Variants in OTOGL observed in about 807,000 individuals in gnomAD.
OTOGL encodes otogelin-like protein.
A neutral mutation model predicts 318.5 loss-of-function variants in OTOGL; 285 were observed. The observed-to-expected ratio is 0.89, with a 90% CI of 0.81 to 0.99. The LOEUF (loss-of-function observed/expected upper bound fraction) is 0.99, where lower values mean the gene tolerates loss of function less well. OTOGL is among the 50% of genes least tolerant of loss of function. OTOGL has a pLI of 0.00. For synonymous variants in OTOGL, 987 were observed against 936.5 expected, an observed-to-expected ratio of 1.05 and a Z score of -0.99; for missense variants, 2,899 against 2,845.6, an observed-to-expected ratio of 1.02 and a Z score of -0.43.
intron 38 of OTOGL, among the ~76,000 whole-genome samples, chr12:80,334,839 G>C (rs958494871): frequency 2.0e-5 from 3 of 152,066 alleles, no homozygotes; most frequent in African/African-American, 7.2e-5. Context: ...TCAGATGTCT[G>C]TGAGGTCTAT....
chr12:80,289,248 G>A (rs764011968), intron 26 of OTOGL, among the ~76,000 whole-genome samples: 28 of 152,154 alleles, frequency 1.8e-4, no homozygotes, highest in Non-Finnish European at 2.6e-4. Flanking sequence ...AAAGATTGCT[G>A]CCTGCTCCTT....
intron 1 of OTOGL, among the ~76,000 whole-genome samples, chr12:80,118,995 G>A (rs1870333177): frequency 6.6e-6 from 1 of 152,094 alleles, no homozygotes; most frequent in Non-Finnish European, 1.5e-5. Flanking sequence ...TCATAGAGAG[G>A]AAGCTGGCTA....
chr12:80,147,143 T>A (rs1872437627), intron 1 of OTOGL, among the ~76,000 whole-genome samples: 1 of 152,106 alleles, frequency 6.6e-6, no homozygotes, highest in Non-Finnish European at 1.5e-5. Flanking sequence ...TTAATTGTGA[T>A]GTTAGGATGT....
chr12:80,290,811 G>C lies in OTOGL; in HGVS notation c.2929-6016G>C, dbSNP rs373660003. Among the ~76,000 whole-genome samples, 7 of 152,000 alleles carry C rather than the reference G, an allele frequency of 4.6e-5. No homozygotes were observed. The East Asian group carries it at 1.2e-3, about 25-fold the overall frequency. ...ATTCATTTAATAAAACAATTTTAGG[G>C]GCCTATTAAATGTAAAGCATGCCAG... is the stretch of plus-strand genomic sequence containing the variant. On this transcript the variant is annotated intron_variant, in intron 26 of 58. Coordinates refer to ENST00000547103, the MANE Select transcript of OTOGL (RefSeq NM_001378609.3).
At chr12:80,355,434 G>A (rs961970130) in intron 46 of OTOGL, among the ~76,000 whole-genome samples, 2 of 151,704 alleles carry the variant, frequency 1.3e-5, no homozygotes, top group Non-Finnish European at 2.9e-5. Flanking sequence ...CTGTTGCCCA[G>A]GCTAGTCTCA....
At chr12:80,220,247 C>G (rs1475166693) in intron 6 of OTOGL, among the ~76,000 whole-genome samples, 1 of 152,100 alleles carries the variant, frequency 6.6e-6, no homozygotes, top group African/African-American at 2.4e-5. Context: ...GCAATCTCTG[C>G]CTCCCAACCT....
rs1316773904 is a variant in OTOGL, at chr12:80,342,084, T to C, written c.5187T>C (p.Val1729=). 9 of 1,607,078 alleles carry C rather than the reference T, an allele frequency of 5.6e-6. No homozygotes were observed. The highest frequency in any genetic ancestry group is 7.7e-6 in the Non-Finnish European group (9 of 1,176,182). ...KSFEVTMRRP[V]RNCTEHDCSQ... Reference sequence around the variant, plus strand: ...TTGAAGTAACAATGAGAAGACCTGTTAGGAATTGTACTGAGCATGATTGCA... The same window carrying C: ...TTGAAGTAACAATGAGAAGACCTGTCAGGAATTGTACTGAGCATGATTGCA... The change falls in exon 44 of 59, where the codon GTT becomes GTC. Residue 1729 remains valine (V), a synonymous_variant. Transcript: ENST00000547103.
chr12:80,353,195 A>G (rs1889661880), intron 45 of OTOGL, 130 bp from the exon 46 acceptor site: 1 of 631,250 alleles, frequency 1.6e-6, no homozygotes, highest in Non-Finnish European at 2.4e-6. Flanking sequence ...GAGTAAGTGA[A>G]AAATGGACTT....
At chr12:80,196,812 G>A (rs1221261714) in intron 1 of OTOGL, among the ~76,000 whole-genome samples, 1 of 152,172 alleles carries the variant, frequency 6.6e-6, no homozygotes, top group Non-Finnish European at 1.5e-5. Context: ...CTGGCTTTGT[G>A]AGAAGTCTAA....
chr12:80,350,652 T>C (rs534092986), intron 44 of OTOGL, among the ~76,000 whole-genome samples: 2 of 152,334 alleles, frequency 1.3e-5, no homozygotes, highest in East Asian at 3.9e-4. Flanking sequence ...TTTCTGATGA[T>C]TAATGATAAT....
chr12:80,275,128 C>G (rs1194428384), intron 24 of OTOGL, among the ~76,000 whole-genome samples: 2 of 151,858 alleles, frequency 1.3e-5, no homozygotes, highest in Non-Finnish European at 2.9e-5. Flanking sequence ...AGGGCTATAC[C>G]TGCCATAGAT....
intron 1 of OTOGL, among the ~76,000 whole-genome samples, chr12:80,119,796 T>A (rs1378096066): frequency 1.3e-5 from 2 of 152,236 alleles, no homozygotes. Context: ...CATTAAATTC[T>A]TCAATTTTAA....
In OTOGL at chr12:80,358,243, C is replaced by T. The variant is rs376262453; in HGVS notation, c.6020-5C>T. 91 of 1,601,618 alleles carry T rather than the reference C, an allele frequency of 5.7e-5. No homozygotes were observed. The highest frequency in any genetic ancestry group is 7.4e-5 in the Non-Finnish European group (87 of 1,170,770). ...TGTGATTTTTGGCTTCTTGTTTTACCTTAGTTTGTGAATCTTGCACCAAAC... is the reference window on the plus strand; with the variant it reads ...TGTGATTTTTGGCTTCTTGTTTTACTTTAGTTTGTGAATCTTGCACCAAAC... On this transcript the variant is annotated splice_region_variant and splice_polypyrimidine_tract_variant and intron_variant, in intron 49 of 58. Coordinates refer to ENST00000547103, the MANE Select transcript of OTOGL (RefSeq NM_001378609.3).
intron 1 of OTOGL, among the ~76,000 whole-genome samples, chr12:80,115,456 C>T (rs1005887886): frequency 6.6e-6 from 1 of 152,064 alleles, no homozygotes; most frequent in Non-Finnish European, 1.5e-5. Flanking sequence ...GCTCTCTCCT[C>T]TTTCCTCTGC....
At position 80,146,522 on chromosome 12, in the gene OTOGL, T is replaced by G. The variant is rs981180463; in HGVS notation, c.-20+46917T>G. Among the ~76,000 whole-genome samples, 990 of 151,826 alleles carry G rather than the reference T, an allele frequency of 6.5e-3. 13 individuals carry two copies. The highest frequency in any genetic ancestry group is 0.023 in the African/African-American group (948 of 41,196). ...AAGGATATTGGTCTAAAATTCTCTT[T>G]TTTGGTTGTGTCTCTGCCAGGCTTT... On this transcript the variant is annotated intron_variant, in intron 1 of 58. Coordinates refer to ENST00000547103, the MANE Select transcript of OTOGL (RefSeq NM_001378609.3).
At chr12:80,149,536 G>A (rs1406302822) in intron 1 of OTOGL, among the ~76,000 whole-genome samples, 2 of 152,126 alleles carry the variant, frequency 1.3e-5, no homozygotes, top group East Asian at 1.9e-4. Context: ...TCTGTGCCCT[G>A]CCCCCAGAGG....
chr12:80,307,836 C>T (rs1336227848), intron 29 of OTOGL, among the ~76,000 whole-genome samples: 1 of 138,588 alleles, frequency 7.2e-6, no homozygotes, highest in African/African-American at 3.0e-5. Context: ...CACCCCTCAC[C>T]TCCCGGACAG....
At chr12:80,132,381 G>A (rs769264510) in intron 1 of OTOGL, 4 of 152,112 alleles carry the variant, frequency 2.6e-5, no homozygotes, top group Non-Finnish European at 5.9e-5. Context: ...AAATATGTGT[G>A]GACTGTACAT....
chr12:80,117,446 A>G (rs1287876782), intron 1 of OTOGL, among the ~76,000 whole-genome samples: 1 of 152,192 alleles, frequency 6.6e-6, no homozygotes, highest in Non-Finnish European at 1.5e-5. Context: ...CTAGACATGT[A>G]GAACCTAGCT....
Sources: allele counts gnomAD v4.1 joint callset (sites outside exome capture counted in the v4.1 genomes callset), GRCh38; gene constraint gnomAD v4.1.1; transcripts MANE v1.5; gene names NCBI Gene and HGNC (gene_info 2026-07-23, HGNC 2026-07-21).